SPON1: variants seen among roughly 807,000 people sequenced by gnomAD.
SPON1 encodes the protein spondin 1.
In SPON1, 52 loss-of-function variants were observed where a neutral mutation model predicts 111.7. The observed-to-expected ratio is 0.47, with a 90% CI of 0.37 to 0.59. The LOEUF is 0.59. SPON1 is among the 20% of genes least tolerant of loss of function. The pLI is 0.00. For missense variants in SPON1, 957 were observed against 1,068.5 expected (o/e 0.90, Z 1.46); for synonymous variants, 410 against 395.8 (o/e 1.04, Z -0.43).
intron 5 of SPON1, among the ~76,000 whole-genome samples, chr11:14,083,336 C>A (rs12575049): frequency 2.7e-4 from 41 of 152,082 alleles, no homozygotes; most frequent in Admixed American, 9.2e-4. Flanking sequence ...TTGAAGTATG[C>A]GGAGAAAATT....
At chr11:13,983,962 C>A (rs980414611) in intron 2 of SPON1, among the ~76,000 whole-genome samples, 1 of 152,074 alleles carries the variant, frequency 6.6e-6, no homozygotes. Flanking sequence ...AATTTTTAAT[C>A]CTGTGATTTA....
chr11:14,108,359 A>G (rs914586878), intron 5 of SPON1, among the ~76,000 whole-genome samples: 2 of 152,174 alleles, frequency 1.3e-5, no homozygotes, highest in Non-Finnish European at 2.9e-5. Context: ...CCTCTAAATA[A>G]GGATTTAGCT....
At chr11:14,141,308 C>G (rs113570355) in intron 6 of SPON1, among the ~76,000 whole-genome samples, 18 of 152,294 alleles carry the variant, frequency 1.2e-4, no homozygotes, top group African/African-American at 4.3e-4. Context: ...TGTGTCAGTT[C>G]AGTTTTCCAC....
chr11:14,128,526 C>T (rs557752795), intron 5 of SPON1, among the ~76,000 whole-genome samples: 4 of 152,342 alleles, frequency 2.6e-5, no homozygotes, highest in African/African-American at 9.6e-5. Flanking sequence ...GTACAGCCCC[C>T]GCGGATGCTT....
At chr11:14,065,195 G>A (rs1012791245) in intron 3 of SPON1, among the ~76,000 whole-genome samples, 5 of 152,198 alleles carry the variant, frequency 3.3e-5, no homozygotes, top group African/African-American at 9.6e-5. Flanking sequence ...GAAGGCAGGT[G>A]GCCCGCCCTC....
intron 6 of SPON1, among the ~76,000 whole-genome samples, chr11:14,178,974 C>A (rs1311729538): frequency 4.6e-5 from 7 of 152,194 alleles, no homozygotes; most frequent in African/African-American, 1.7e-4. Context: ...AGGGAAGCCA[C>A]TTCCATTTTA....
chr11:14,027,514 CA>C (rs1465142392), intron 2 of SPON1, among the ~76,000 whole-genome samples: 2 of 152,226 alleles, frequency 1.3e-5, no homozygotes, highest in African/African-American at 2.4e-5. Flanking sequence ...ACCACCAGCA[CA>C]GTGACTGGGA....
intron 2 of SPON1, among the ~76,000 whole-genome samples, chr11:13,995,404 T>C (rs1189672077): frequency 6.6e-6 from 1 of 152,132 alleles, no homozygotes; most frequent in African/African-American, 2.4e-5. Context: ...TGGGGAGGCC[T>C]CAGGAAACTT....
intron 6 of SPON1, among the ~76,000 whole-genome samples, chr11:14,172,178 G>C (rs1485067025): frequency 1.3e-5 from 2 of 151,990 alleles, no homozygotes; most frequent in African/African-American, 2.4e-5. Flanking sequence ...GAGTGCTCCT[G>C]TATTGGGTGC....
chr11:14,120,477 C>T (rs1283492342), intron 5 of SPON1, among the ~76,000 whole-genome samples: 2 of 152,238 alleles, frequency 1.3e-5, no homozygotes, highest in East Asian at 1.9e-4. Context: ...AACAGTCACC[C>T]CCAGCTTATG....
intron 4 of SPON1, among the ~76,000 whole-genome samples, chr11:14,077,531 C>T (rs1848927509): frequency 6.6e-6 from 1 of 151,850 alleles, no homozygotes; most frequent in Non-Finnish European, 1.5e-5. Flanking sequence ...CCCCCGGGTT[C>T]AGGCGATTCT....
At position 14,064,509 on chromosome 11, in the gene SPON1, G is replaced by C. The variant is rs187308574; in HGVS notation, c.480-10836G>C. ...AGCTGAATTCAGGTACTTGGGGAGGGGGGTATCAGACCTGAAAGGTGGCTT... is the reference window on the plus strand; with the variant it reads ...AGCTGAATTCAGGTACTTGGGGAGGCGGGTATCAGACCTGAAAGGTGGCTT... On this transcript the variant is annotated intron_variant, in intron 3 of 15. Transcript: ENST00000576479. Among the ~76,000 whole-genome samples, 513 of 152,308 alleles carry C rather than the reference G, an allele frequency of 3.4e-3. 2 individuals carry two copies. The highest frequency in any genetic ancestry group is 0.011 in the African/African-American group (472 of 41,564).
At chr11:14,084,805 C>A (rs1188071595) in intron 5 of SPON1, among the ~76,000 whole-genome samples, 1 of 152,196 alleles carries the variant, frequency 6.6e-6, no homozygotes, top group African/African-American at 2.4e-5. Context: ...TCCTCTCCAG[C>A]ACCTGTTGTT....
chr11:14,024,787 C>T (rs782184960), intron 2 of SPON1, among the ~76,000 whole-genome samples: 1 of 152,204 alleles, frequency 6.6e-6, no homozygotes, highest in Non-Finnish European at 1.5e-5. Flanking sequence ...TCTTCTCTAC[C>T]CAGGGCTTCC....
intron 6 of SPON1, among the ~76,000 whole-genome samples, chr11:14,206,426 C>T (rs918430107): frequency 1.4e-4 from 22 of 152,106 alleles, no homozygotes; most frequent in African/African-American, 4.6e-4. Flanking sequence ...CTCCTGACCT[C>T]GTGATCCGCC....
intron 6 of SPON1, chr11:14,224,644 C>T (rs1554937942): frequency 3.1e-6 from 1 of 320,644 alleles, no homozygotes; most frequent in Admixed American, 3.0e-5. Context: ...GTAGCACTCT[C>T]ATATCTAGCA....
intron 2 of SPON1, among the ~76,000 whole-genome samples, chr11:14,015,745 T>A (rs183183515): frequency 3.0e-4 from 45 of 152,334 alleles, no homozygotes; most frequent in African/African-American, 1.1e-3. Flanking sequence ...AGGTAAGTCA[T>A]TGTATATTTA....
chr11:14,038,118 A>G (rs530566016), intron 2 of SPON1, among the ~76,000 whole-genome samples: 2 of 76,268 alleles, frequency 2.6e-5, no homozygotes, highest in East Asian at 8.6e-4. Context: ...GTGAGCCGAG[A>G]TCGTGCCACT....
At chr11:14,114,536 C>T (rs1849252305) in intron 5 of SPON1, among the ~76,000 whole-genome samples, 2 of 152,218 alleles carry the variant, frequency 1.3e-5, no homozygotes, top group Non-Finnish European at 1.5e-5. Context: ...GTCCAGGTTC[C>T]TAGAGAGCAG....
Sources: allele counts gnomAD v4.1 joint callset (sites outside exome capture counted in the v4.1 genomes callset), GRCh38; gene constraint gnomAD v4.1.1; transcripts MANE v1.5; gene names NCBI Gene and HGNC (gene_info 2026-07-23, HGNC 2026-07-21).